Variants in ASIC2 observed in about 807,000 individuals in gnomAD.
The protein encoded by ASIC2 is acid sensing ion channel subunit 2.
A neutral mutation model predicts 57.3 loss-of-function variants in ASIC2; 25 were observed. The ratio of observed to expected loss-of-function variants is 0.44; its 90% CI spans 0.32 to 0.61. The LOEUF is 0.61. Among genes scored for constraint, ASIC2 ranks in the 20% least tolerant of loss-of-function variants. The pLI is 0.06. For synonymous variants in ASIC2, 319 were observed against 307.5 expected (o/e 1.04, Z -0.39); for missense variants, 641 against 738.1 (o/e 0.87, Z 1.52).
At chr17:33,759,671 C>T (rs935452745) in intron 1 of ASIC2, among the ~76,000 whole-genome samples, 2 of 152,160 alleles carry the variant, frequency 1.3e-5, no homozygotes, top group African/African-American at 4.8e-5. Context: ...GATGGCCTTG[C>T]TGCTCAGAGT....
chr17:33,107,241 A>G (rs1366814062), intron 2 of ASIC2, among the ~76,000 whole-genome samples: 2 of 152,242 alleles, frequency 1.3e-5, no homozygotes, highest in African/African-American at 4.8e-5. Context: ...AGTCTAGGAC[A>G]GCTTTTTCAA....
chr17:34,109,044 A>ATT, intron 1 of ASIC2, among the ~76,000 whole-genome samples: 1 of 28,146 alleles, frequency 3.6e-5, no homozygotes, highest in South Asian at 9.1e-4. Context: ...ATTTTATTTT[A>ATT]TTTTATTTTT....
chr17:33,088,997 G>C lies in ASIC2; in HGVS notation c.860-7C>G. ...GCTTCAAATGTCGTTTCCTCTGAAA[G>C]AACAAAGATGGACAGAGCCACGGGT... On this transcript the variant is annotated splice_polypyrimidine_tract_variant and splice_region_variant and intron_variant, in intron 2 of 9. Coordinates refer to ENST00000225823, the MANE Select transcript of ASIC2 (RefSeq NM_183377.2). 1.2e-6 allele frequency: 2 copies of C among 1,613,936 alleles called. No individual in the cohort carries two copies. Among genetic ancestry groups the C allele is most frequent in the Non-Finnish European group, 1.7e-6 (2 of 1,179,886 alleles).
chr17:34,028,589 G>T (rs117996801), intron 1 of ASIC2, among the ~76,000 whole-genome samples: 1 of 152,092 alleles, frequency 6.6e-6, no homozygotes, highest in Non-Finnish European at 1.5e-5. Flanking sequence ...TACATACTCC[G>T]CTAGGATCAT....
intron 7 of ASIC2, among the ~76,000 whole-genome samples, chr17:33,019,842 G>C (rs2091827705): frequency 6.6e-6 from 1 of 150,792 alleles, no homozygotes; most frequent in Non-Finnish European, 1.5e-5. Context: ...ATCTGTGTGA[G>C]AGAGAGAGAG....
intron 1 of ASIC2, among the ~76,000 whole-genome samples, chr17:33,404,663 A>G (rs1171117149): frequency 1.3e-5 from 2 of 152,238 alleles, no homozygotes; most frequent in Admixed American, 6.5e-5. Flanking sequence ...CAACATATGC[A>G]TCCTGTTACC....
At chr17:33,774,802 C>A (rs1026447173) in intron 1 of ASIC2, among the ~76,000 whole-genome samples, 4 of 152,144 alleles carry the variant, frequency 2.6e-5, no homozygotes, top group African/African-American at 9.7e-5. Context: ...CAACATGTAC[C>A]ATCCCTAGAC....
chr17:33,799,479 C>CTTCT (rs1327041206), intron 1 of ASIC2, among the ~76,000 whole-genome samples: 34 of 40,896 alleles, frequency 8.3e-4, no homozygotes, highest in African/African-American at 2.7e-3. Flanking sequence ...TCTTTCTTTC[C>CTTCT]TTCTTTCTTT....
intron 1 of ASIC2, among the ~76,000 whole-genome samples, chr17:33,308,549 A>T (rs1906275248): frequency 6.6e-6 from 1 of 152,230 alleles, no homozygotes; most frequent in Non-Finnish European, 1.5e-5. Flanking sequence ...TTCTGGTTCT[A>T]GAGCCTTGTT....
chr17:33,085,190 C>A (rs1268556740), intron 3 of ASIC2, among the ~76,000 whole-genome samples: 1 of 152,136 alleles, frequency 6.6e-6, no homozygotes, highest in East Asian at 1.9e-4. Flanking sequence ...GGCCTTCCTG[C>A]AAAGTTTCCT....
chr17:33,384,133 G>A (rs572423232), intron 1 of ASIC2, among the ~76,000 whole-genome samples: 1 of 152,310 alleles, frequency 6.6e-6, no homozygotes, highest in South Asian at 2.1e-4. Context: ...TCCCAAAGTG[G>A]TTCATGTCCC....
At chr17:33,025,833 T>C in intron 5 of ASIC2, 93 bp downstream of exon 5, 1 of 1,272,418 alleles carries the variant, frequency 7.9e-7, no homozygotes, top group Non-Finnish European at 1.1e-6. Context: ...CATTCCTTCT[T>C]CCACTTGATC....
intron 1 of ASIC2, among the ~76,000 whole-genome samples, chr17:33,431,447 T>C (rs890647674): frequency 1.3e-5 from 2 of 150,778 alleles, no homozygotes; most frequent in Admixed American, 6.7e-5. Flanking sequence ...CTACTAAAAA[T>C]ACAAAAATTA....
intron 1 of ASIC2, among the ~76,000 whole-genome samples, chr17:33,904,163 CAAAA>C (rs769795292): frequency 8.2e-4 from 46 of 55,858 alleles, no homozygotes; most frequent in African/African-American, 3.3e-3. Context: ...AACTCCGTCT[CAAAA>C]AAAAAAAAAA....
intron 1 of ASIC2, among the ~76,000 whole-genome samples, chr17:33,736,868 T>C (rs1909928314): frequency 6.6e-6 from 1 of 152,266 alleles, no homozygotes; most frequent in African/African-American, 2.4e-5. Context: ...CACAAAGACA[T>C]ATATCATGGG....
chr17:33,965,429 C>T (rs554655883), intron 1 of ASIC2, among the ~76,000 whole-genome samples: 2 of 152,072 alleles, frequency 1.3e-5, no homozygotes, highest in Non-Finnish European at 2.9e-5. Context: ...GTAAGCCAGC[C>T]TCCTGAATAA....
intron 1 of ASIC2, among the ~76,000 whole-genome samples, chr17:33,814,286 A>G (rs1347086698): frequency 6.6e-6 from 1 of 152,218 alleles, no homozygotes; most frequent in East Asian, 1.9e-4. Flanking sequence ...CATAAGTCAC[A>G]GGCTACTTCC....
intron 1 of ASIC2, among the ~76,000 whole-genome samples, chr17:33,652,750 C>T (rs183442350): frequency 3.9e-5 from 6 of 152,328 alleles, no homozygotes; most frequent in East Asian, 1.9e-4. Context: ...GGGAAGCTGC[C>T]GCCTTGGCAG....
chr17:33,817,156 G>A (rs1056635849), intron 1 of ASIC2, among the ~76,000 whole-genome samples: 2 of 152,218 alleles, frequency 1.3e-5, no homozygotes, highest in Non-Finnish European at 2.9e-5. Flanking sequence ...CGGATTCTTC[G>A]ACGTTCTCTA....
Sources: allele counts gnomAD v4.1 joint callset (sites outside exome capture counted in the v4.1 genomes callset), GRCh38; gene constraint gnomAD v4.1.1; transcripts MANE v1.5; gene names NCBI Gene and HGNC (gene_info 2026-07-23, HGNC 2026-07-21).